CAPN8: variants seen among roughly 807,000 people sequenced by gnomAD.
The protein encoded by CAPN8 is calpain-8.
In CAPN8, 87 loss-of-function variants were observed where a neutral mutation model predicts 80.9. The observed-to-expected ratio is 1.07, with a 90% CI of 0.90 to 1.28. The LOEUF (loss-of-function observed/expected upper bound fraction) is 1.28. Ranked by LOEUF, CAPN8 falls within the 50% of genes most tolerant of loss-of-function variation. The pLI, the probability that CAPN8 is intolerant of heterozygous loss-of-function variation, is 0.00. For missense variants in CAPN8, 757 were observed against 702.0 expected (o/e 1.08, Z -0.89); for synonymous variants, 299 against 273.8 (o/e 1.09, Z -0.91).
chr1:223,554,983 C>T (rs979632224), intron 13 of CAPN8, among the ~76,000 whole-genome samples: 70 of 152,178 alleles, frequency 4.6e-4, no homozygotes, highest in Non-Finnish European at 1.2e-4. Flanking sequence ...CCAGATGACA[C>T]GAAATTTCTA....
At chr1:223,627,670 T>C (rs1183453913) in intron 4 of CAPN8, among the ~76,000 whole-genome samples, 1 of 152,196 alleles carries the variant, frequency 6.6e-6, no homozygotes, top group Non-Finnish European at 1.5e-5. Context: ...CTAGTACATT[T>C]GTTTTATTAT....
chr1:223,615,713 G>A (rs1293513985), intron 10 of CAPN8: 2 of 596,408 alleles, frequency 3.4e-6, no homozygotes, highest in Admixed American at 4.3e-5. Context: ...CATGTACACT[G>A]AGCCCTCAAT....
At chr1:223,541,883 G>C in intron 20 of CAPN8, 24 bp from the exon 21 acceptor site, 1 of 1,508,092 alleles carries the variant, frequency 6.6e-7, no homozygotes. Flanking sequence ...GGACAAGATT[G>C]AGTCTTGGCT....
intron 16 of CAPN8, 156 bp from the exon 17 acceptor site, chr1:223,545,455 A>T: frequency 1.7e-6 from 2 of 1,204,402 alleles, no homozygotes; most frequent in South Asian, 1.6e-5. Flanking sequence ...TAACAGGTTC[A>T]AATAAAGATT....
At chr1:223,628,932 C>T (rs1023547168) in intron 2 of CAPN8, 152 bp from the exon 3 acceptor site, 9 of 613,232 alleles carry the variant, frequency 1.5e-5, no homozygotes, top group Non-Finnish European at 2.6e-5. Context: ...GAAATGCACC[C>T]GCAGCCATCA....
intron 2 of CAPN8, among the ~76,000 whole-genome samples, chr1:223,643,328 C>G (rs1156293739): frequency 2.0e-5 from 3 of 152,170 alleles, no homozygotes; most frequent in Non-Finnish European, 4.4e-5. Context: ...CCTGAGGTTT[C>G]CAAATATACA....
intron 17 of CAPN8, 169 bp downstream of exon 17, chr1:223,545,062 G>T: frequency 7.2e-7 from 1 of 1,391,300 alleles, no homozygotes; most frequent in Non-Finnish European, 9.7e-7. Flanking sequence ...CAGGGCAGTG[G>T]TTGGCATGAG....
At chr1:223,620,002 T>A (rs1657335440) in intron 8 of CAPN8, among the ~76,000 whole-genome samples, 190 bp downstream of exon 8, 1 of 152,106 alleles carries the variant, frequency 6.6e-6, no homozygotes, top group Admixed American at 6.5e-5. Flanking sequence ...GGCCTAGATA[T>A]CATGGTTTCA....
intron 13 of CAPN8, among the ~76,000 whole-genome samples, chr1:223,556,142 C>A (rs1656902728): frequency 6.6e-6 from 1 of 152,186 alleles, no homozygotes; most frequent in Admixed American, 6.5e-5. Context: ...GTAATTTTTC[C>A]TTCCCTCATT....
At position 223,637,597 on chromosome 1, in the gene CAPN8, C is replaced by A. The variant is rs148035114; in HGVS notation, c.308-8817G>T. Among the ~76,000 whole-genome samples the A allele has an allele frequency of 7.2e-5, 11 of 152,252 alleles. No individual in the cohort carries two copies. The East Asian group carries it at 1.9e-3, about 27-fold the overall frequency. On this transcript the variant is annotated intron_variant, in intron 2 of 20. Coordinates refer to ENST00000366872, the MANE Select transcript of CAPN8 (RefSeq NM_001143962.2). ...CTTAGAATCACTTAGTAAATCTCCC[C>A]CATCTTGCACCAGCCTCCAACCCTC...
intron 7 of CAPN8, 105 bp downstream of exon 7, chr1:223,622,710 C>T (rs763068616): frequency 1.2e-5 from 10 of 852,034 alleles, no homozygotes; most frequent in African/African-American, 1.2e-4. Context: ...GCAGACAGGA[C>T]GTGCTGCTGA....
chr1:223,663,198 A>C (rs2102742690), intron 1 of CAPN8, among the ~76,000 whole-genome samples: 1 of 152,362 alleles, frequency 6.6e-6, no homozygotes, highest in Middle Eastern at 3.4e-3. Flanking sequence ...ACAGACCACG[A>C]GGACAGGTGA....
chr1:223,610,451 C>A (rs897776423), intron 11 of CAPN8, among the ~76,000 whole-genome samples: 1 of 152,086 alleles, frequency 6.6e-6, no homozygotes. Context: ...GTGGTGTGGC[C>A]AGAGAGGATG....
chr1:223,622,736 G>T (rs774387569), intron 7 of CAPN8, 79 bp downstream of exon 7: 2 of 1,078,780 alleles, frequency 1.9e-6, no homozygotes, highest in Admixed American at 4.0e-5. Flanking sequence ...CTGTGACATC[G>T]ATCTCATTGT....
At chr1:223,643,591 T>G (rs886843058) in intron 2 of CAPN8, among the ~76,000 whole-genome samples, 1 of 151,506 alleles carries the variant, frequency 6.6e-6, no homozygotes, top group African/African-American at 2.4e-5. Context: ...TTAAAGGGAG[T>G]AGTAGAGGGG....
intron 14 of CAPN8, among the ~76,000 whole-genome samples, chr1:223,553,101 T>G (rs1656832796): frequency 8.4e-6 from 1 of 118,406 alleles, no homozygotes; most frequent in Admixed American, 7.9e-5. Context: ...GGGAGACCAT[T>G]GTTTTTTCCT....
rs187944993 is a variant in CAPN8, at chr1:223,615,807, T to G, written c.1311+163A>C. On this transcript the variant is annotated intron_variant, in intron 10 of 20. Coordinates refer to ENST00000366872, the MANE Select transcript of CAPN8 (RefSeq NM_001143962.2). ...AGGAATGAATCTCTAAATGTGGAAT[T>G]CAGGCCTCAGTAAGGCCACTGGGAG... 3.8e-6 allele frequency: 3 copies of G among 793,600 alleles called. No homozygotes were observed. In the South Asian group the frequency reaches 4.4e-5, roughly 12 times the overall value. 49.2% of individuals were successfully genotyped at this position (793,600 alleles called of 1,614,324 possible).
At chr1:223,551,673 G>A (rs1003495602) in intron 14 of CAPN8, among the ~76,000 whole-genome samples, 7 of 152,232 alleles carry the variant, frequency 4.6e-5, no homozygotes, top group African/African-American at 1.4e-4. Flanking sequence ...AGCCAGTGTG[G>A]AAGATCCTTA....
intron 11 of CAPN8, among the ~76,000 whole-genome samples, chr1:223,609,751 C>T (rs952205532): frequency 1.3e-5 from 2 of 152,156 alleles, no homozygotes; most frequent in African/African-American, 4.8e-5. Context: ...CAGTACAGGC[C>T]CAAGGCTGGA....
Sources: gnomAD v4.1 joint callset for allele counts (sites outside exome capture counted in the v4.1 genomes callset) on GRCh38, gnomAD v4.1.1 for gene constraint, MANE v1.5 for transcripts, NCBI Gene and HGNC (gene_info 2026-07-23, HGNC 2026-07-21) for gene names.